Variants in RPTOR observed in about 807,000 individuals in gnomAD.
RPTOR encodes the protein regulatory associated protein of MTOR complex 1, also known as regulatory-associated protein of mTOR.
A neutral mutation model predicts 169.9 loss-of-function variants in RPTOR; 21 were observed. That is an observed-to-expected ratio of 0.12 (90% CI 0.09 to 0.18). RPTOR has a LOEUF of 0.18. Among genes scored for constraint, RPTOR ranks in the 10% least tolerant of loss-of-function variants. The pLI is 1.00. For synonymous variants in RPTOR, 732 were observed against 753.2 expected (o/e 0.97, Z 0.46); for missense variants, 1,133 against 1,855.9 (o/e 0.61, Z 7.16).
intron 6 of RPTOR, among the ~76,000 whole-genome samples, chr17:80,775,656 G>T (rs1247459002): frequency 6.6e-6 from 1 of 152,176 alleles, no homozygotes; most frequent in Non-Finnish European, 1.5e-5. Context: ...CCCACGTTTG[G>T]CTGTCAAACC....
At chr17:80,656,363 C>T (rs930685700) in intron 3 of RPTOR, among the ~76,000 whole-genome samples, 1 of 152,174 alleles carries the variant, frequency 6.6e-6, no homozygotes, top group African/African-American at 2.4e-5. Context: ...TCAACACGCC[C>T]GGCCTCAGAA....
At chr17:80,698,510 AG>A (rs1439030043) in intron 3 of RPTOR, among the ~76,000 whole-genome samples, 1 of 152,204 alleles carries the variant, frequency 6.6e-6, no homozygotes, top group African/African-American at 2.4e-5. Context: ...CTCCAGCCAA[AG>A]GAAACAAAGC....
chr17:80,684,514 G>C (rs915162361), intron 3 of RPTOR, among the ~76,000 whole-genome samples: 1 of 150,584 alleles, frequency 6.6e-6, no homozygotes, highest in Non-Finnish European at 1.5e-5. Flanking sequence ...GTGTGATCTC[G>C]GCTCACTGCA....
intron 1 of RPTOR, among the ~76,000 whole-genome samples, chr17:80,590,614 G>A (rs1453302264): frequency 2.6e-5 from 4 of 151,758 alleles, no homozygotes; most frequent in Non-Finnish European, 5.9e-5. Context: ...GCATGGTGAA[G>A]GAGGCATGCA....
At chr17:80,592,460 G>A (rs6420492) in intron 1 of RPTOR, among the ~76,000 whole-genome samples, 150,277 of 152,218 alleles carry the variant, frequency 0.99, 74,194 homozygotes, top group East Asian at 1. Flanking sequence ...GTGTGATGGC[G>A]GTGGGAGGAC....
At chr17:80,834,597 G>A (rs908466672) in intron 9 of RPTOR, among the ~76,000 whole-genome samples, 1 of 152,194 alleles carries the variant, frequency 6.6e-6, no homozygotes, top group African/African-American at 2.4e-5. Flanking sequence ...CCTTTTAGGA[G>A]CACATGTCCC....
At position 80,925,491 on chromosome 17, in the gene RPTOR, G is replaced by A. The variant is rs747374477; in HGVS notation, c.2919+11G>A. On this transcript the variant is annotated intron_variant, in intron 24 of 33. Transcript: ENST00000306801. ...CAGCCCGTCATGAAGGTGCGCCCGGGGTGTGGGGTTCAGAGTAGAGTCCTA... is the reference window on the plus strand; with the variant it reads ...CAGCCCGTCATGAAGGTGCGCCCGGAGTGTGGGGTTCAGAGTAGAGTCCTA... 7 of 1,606,600 alleles carry A rather than the reference G, an allele frequency of 4.4e-6. No homozygotes were observed. The highest frequency in any genetic ancestry group is 5.1e-6 in the Non-Finnish European group (6 of 1,173,946).
chr17:80,718,092 G>A (rs1338384786), intron 4 of RPTOR, among the ~76,000 whole-genome samples: 3 of 152,102 alleles, frequency 2.0e-5, no homozygotes, highest in Non-Finnish European at 4.4e-5. Context: ...CCTTTGCTGT[G>A]TACCTAGGCA....
intron 21 of RPTOR, among the ~76,000 whole-genome samples, chr17:80,915,954 G>A (rs185457063): frequency 1.5e-3 from 221 of 152,190 alleles, no homozygotes; most frequent in Middle Eastern, 0.01. Context: ...TATCAGGACA[G>A]TCTGCCTCCG....
chr17:80,709,555 C>A (rs1251861501), intron 4 of RPTOR, among the ~76,000 whole-genome samples: 2 of 152,250 alleles, frequency 1.3e-5, no homozygotes, highest in African/African-American at 4.8e-5. Context: ...TGCAGCCCTG[C>A]CTCTTCCCAC....
intron 1 of RPTOR, among the ~76,000 whole-genome samples, chr17:80,573,111 C>T (rs568148575): frequency 5.1e-4 from 78 of 152,266 alleles, no homozygotes; most frequent in African/African-American, 1.8e-3. Context: ...TTGGGACTTG[C>T]TGTTTATCCC....
chr17:80,658,090 C>T (rs2065693500), intron 3 of RPTOR, among the ~76,000 whole-genome samples: 1 of 152,154 alleles, frequency 6.6e-6, no homozygotes, highest in Non-Finnish European at 1.5e-5. Context: ...ACCCTCCTAC[C>T]CACCCCCCTT....
rs151289178 is a variant in RPTOR, at chr17:80,889,020, G to A, written c.1984-2700G>A. On this transcript the variant is annotated intron_variant, in intron 17 of 33. Coordinates refer to ENST00000306801, the MANE Select transcript of RPTOR (RefSeq NM_020761.3). Reference sequence around the variant, plus strand: ...GGCCCAGCCAGGCACAAGCCTTGTCGTTCGTGATCAGAGGCCTGGAGGGGT... The same window carrying A: ...GGCCCAGCCAGGCACAAGCCTTGTCATTCGTGATCAGAGGCCTGGAGGGGT... Among the ~76,000 whole-genome samples, 1,240 of 152,334 alleles carry A rather than the reference G, an allele frequency of 8.1e-3. 18 individuals carry two copies. Among genetic ancestry groups the A allele is most frequent in the African/African-American group, 0.028 (1,163 of 41,560 alleles).
Position 80,707,780 on chromosome 17 carries a change from A to G in RPTOR, c.349-61A>G. 2.0e-6 allele frequency: 3 copies of G among 1,522,252 alleles called. No homozygotes were observed. The highest frequency in any genetic ancestry group is 2.7e-6 in the Non-Finnish European group (3 of 1,111,456). 94.3% of individuals were successfully genotyped at this position (1,522,252 alleles called of 1,614,324 possible). A position where few individuals can be genotyped will look rare whatever the true frequency, so the allele number is the denominator to read the frequency against. ...GCAAACCCAGAGGAAAGGGTAGGGG[A>G]TGAGTTCCAAGCATTCCCTGGAGTC... is the stretch of plus-strand genomic sequence containing the variant. On this transcript the variant is annotated intron_variant, in intron 3 of 33. Coordinates refer to ENST00000306801, the MANE Select transcript of RPTOR (RefSeq NM_020761.3). This position sits in a 1 kb window ranked among gnomAD's most constrained non-coding sequence, Gnocchi z 5.0.
At chr17:80,712,009 G>T (rs988841131) in intron 4 of RPTOR, among the ~76,000 whole-genome samples, 9 of 152,028 alleles carry the variant, frequency 5.9e-5, no homozygotes, top group African/African-American at 1.9e-4. Context: ...CTCCCAAAGT[G>T]CTGGGATTAC....
intron 4 of RPTOR, among the ~76,000 whole-genome samples, chr17:80,715,322 T>G (rs561084467): frequency 2.6e-5 from 4 of 152,194 alleles, no homozygotes; most frequent in Non-Finnish European, 5.9e-5. Context: ...TATATACATT[T>G]AAATATGTAA....
intron 6 of RPTOR, among the ~76,000 whole-genome samples, chr17:80,777,004 C>T (rs1019215725): frequency 2.0e-5 from 3 of 151,978 alleles, no homozygotes; most frequent in East Asian, 1.9e-4. Flanking sequence ...TTTGGGAGGA[C>T]GAGGTGGGCA....
At chr17:80,713,183 C>T (rs2066210275) in intron 4 of RPTOR, among the ~76,000 whole-genome samples, 1 of 152,116 alleles carries the variant, frequency 6.6e-6, no homozygotes, top group South Asian at 2.1e-4. Flanking sequence ...ATTCTCCTGC[C>T]TCAACCCCCG....
chr17:80,949,389 C>T (rs764005629), intron 27 of RPTOR, 54 bp from the exon 28 acceptor site: 51 of 1,451,150 alleles, frequency 3.5e-5, no homozygotes, highest in Non-Finnish European at 4.3e-5. Flanking sequence ...GCACAGAGCA[C>T]AGGCCAGGCC....
Sources: allele counts gnomAD v4.1 joint callset (sites outside exome capture counted in the v4.1 genomes callset), GRCh38; gene constraint gnomAD v4.1.1; non-coding constraint Gnocchi (gnomAD v3.1); transcripts MANE v1.5; gene names NCBI Gene and HGNC (gene_info 2026-07-23, HGNC 2026-07-21).